The following GALM variants were observed in gnomAD, a reference collection of about 807,000 sequenced individuals.
The protein encoded by GALM is galactose mutarotase, also known as aldose 1-epimerase.
GALM carries 43 observed loss-of-function variants against 37.4 expected under a neutral mutation model. The observed-to-expected ratio is 1.15, with a 90% CI of 0.90 to 1.48. The LOEUF (loss-of-function observed/expected upper bound fraction) is 1.48. Among genes scored for constraint, GALM ranks in the 40% most tolerant of loss-of-function variants. The probability of loss-of-function intolerance (pLI) is 0.00; values close to 1 mark genes in which losing one functional copy is unlikely to be tolerated. For missense variants in GALM, 456 were observed against 419.1 expected, an observed-to-expected ratio of 1.09 and a Z score of -0.77; for synonymous variants, 199 against 170.6, an observed-to-expected ratio of 1.17 and a Z score of -1.30.
At position 38,731,768 on chromosome 2, in the gene GALM, A is replaced by G. The variant is rs1666614640; in HGVS notation, c.810A>G (p.Glu270=). The change falls in exon 6 of 7, where the codon GAA becomes GAG. Residue 270 remains glutamate (E), a synonymous_variant. Coordinates refer to ENST00000272252, the MANE Select transcript of GALM (RefSeq NM_138801.3). Reference sequence around the variant, plus strand: ...ATGCTGCAAGCGGGCGGGTACTAGAAGTATACACCACCCAGCCCGGGGTCC... The same window carrying G: ...ATGCTGCAAGCGGGCGGGTACTAGAGGTATACACCACCCAGCCCGGGGTCC... ...VHHAASGRVL[E]VYTTQPGVQF... is the part of the protein sequence containing the mutation. 1.2e-6 allele frequency: 2 copies of G among 1,613,940 alleles called. No individual in the cohort carries two copies. Among genetic ancestry groups the G allele is most frequent in the African/African-American group, 2.7e-5 (2 of 74,908 alleles).
rs1355606749 is a variant in GALM, at chr2:38,676,064, AAAGT to A, written c.345+4_345+7del. 3.1e-6 allele frequency: 5 copies of A among 1,614,014 alleles called. No individual in the cohort carries two copies. Among genetic ancestry groups the A allele is most frequent in the South Asian group, 1.1e-5 (1 of 91,078 alleles). ...GCATGGAGGAGTCAGAGGGTTTGATAAAGTAAGTACGGCACATGTGACTGAGTTC... is the reference window on the plus strand; with the variant it reads ...GCATGGAGGAGTCAGAGGGTTTGATAAAGTACGGCACATGTGACTGAGTTC... On this transcript the variant is annotated splice_donor_variant and coding_sequence_variant, in exon 2 of 7. Coordinates refer to ENST00000272252, the MANE Select transcript of GALM (RefSeq NM_138801.3). LOFTEE classifies it high-confidence loss of function.
At chr2:38,714,655 C>A (rs1299542594) in intron 4 of GALM, among the ~76,000 whole-genome samples, 1 of 152,142 alleles carries the variant, frequency 6.6e-6, no homozygotes, top group Non-Finnish European at 1.5e-5. Context: ...CTGTGTTAAA[C>A]AAACAAAAAG....
rs1181876277 is a variant in GALM, at chr2:38,703,054, TTATATATATATATATA to T, written c.634+13184_634+13199del. On this transcript the variant is annotated intron_variant, in intron 4 of 6. Coordinates refer to ENST00000272252, the MANE Select transcript of GALM (RefSeq NM_138801.3). ...CTGAGGTGGGATGATATGTGGGATT[TTATATATATATATATA>T]TATATATATATATATATATATATTT... Among the ~76,000 whole-genome samples the T allele has an allele frequency of 2.7e-3, 38 of 13,956 alleles. 1 individual carries two copies. The highest frequency in any genetic ancestry group is 0.017 in the South Asian group (3 of 180). The allele number at this position is 13,956 out of a possible 152,430, so 9.2% of individuals were successfully genotyped here. A position where few individuals can be genotyped will look rare whatever the true frequency, so the allele number is the denominator to read the frequency against.
At chr2:38,732,610 C>G (rs1666629580) in intron 6 of GALM, among the ~76,000 whole-genome samples, 1 of 152,178 alleles carries the variant, frequency 6.6e-6, no homozygotes, top group South Asian at 2.1e-4. Context: ...CCTGAAAGTG[C>G]CAGCCCACAA....
chr2:38,700,585 C>A (rs562955977), intron 4 of GALM, among the ~76,000 whole-genome samples: 1 of 152,122 alleles, frequency 6.6e-6, no homozygotes, highest in South Asian at 2.1e-4. Flanking sequence ...CATGGAATAT[C>A]TTTTTCCACC....
intron 4 of GALM, among the ~76,000 whole-genome samples, chr2:38,719,715 C>T (rs1174637317): frequency 7.0e-6 from 1 of 143,292 alleles, no homozygotes; most frequent in African/African-American, 2.6e-5. Flanking sequence ...TGGAGGTTGC[C>T]GTGAGCCGAG....
In GALM at chr2:38,733,678, A is replaced by T. The variant is rs1666651684; in HGVS notation, c.*113A>T. On this transcript the variant is annotated 3_prime_UTR_variant, in exon 7 of 7. Coordinates refer to ENST00000272252, the MANE Select transcript of GALM (RefSeq NM_138801.3). The stretch of plus-strand genomic sequence containing the variant: ...GAATGATTCTATGGATTAAAATCAT[A>T]CAAATGGTGGCTGTTCTGAGAATCA... 1.2e-6 allele frequency: 1 copy of T among 820,966 alleles called. No homozygotes were observed. Among genetic ancestry groups the T allele is most frequent in the Non-Finnish European group, 2.1e-6 (1 of 472,706 alleles). The allele number at this position is 820,966 out of a possible 1,614,324, so 50.9% of individuals were successfully genotyped here.
intron 4 of GALM, among the ~76,000 whole-genome samples, chr2:38,693,130 G>A (rs190320509): frequency 1.1e-4 from 16 of 152,314 alleles, no homozygotes; most frequent in East Asian, 9.6e-4. Flanking sequence ...AAACTTCAGC[G>A]TGTTCTGCCA....
At position 38,731,883 on chromosome 2, in the gene GALM, C is replaced by T; in HGVS notation, c.925C>T (p.Gln309Ter). ...PKHSGFCLET[Q>*]NWPDAVNQPR... is the part of the protein sequence containing the mutation. ...GCACTCCGGTTTCTGCCTGGAGACT[C>T]AGAACTGGCCTGATGCAGTCAATCA... Residue 309 changes from glutamine to a stop codon, truncating the protein, a stop_gained, in exon 6 of 7, where the codon CAG becomes TAG. Coordinates refer to ENST00000272252, the MANE Select transcript of GALM (RefSeq NM_138801.3). LOFTEE classifies it high-confidence loss of function. 3 of 1,614,174 alleles carry T rather than the reference C, an allele frequency of 1.9e-6. No individual in the cohort carries two copies. The African/African-American group carries it at 4.0e-5, about 22-fold the overall frequency.
At chr2:38,687,732 C>T (rs948420922) in intron 3 of GALM, among the ~76,000 whole-genome samples, 5 of 151,422 alleles carry the variant, frequency 3.3e-5, no homozygotes, top group African/African-American at 7.3e-5. Context: ...AAAAGAGAAT[C>T]GTAGTTTTTC....
At chr2:38,731,340 T>C (rs1281070150) in intron 5 of GALM, among the ~76,000 whole-genome samples, 1 of 144,796 alleles carries the variant, frequency 6.9e-6, no homozygotes, top group Non-Finnish European at 1.5e-5. Flanking sequence ...GAGGTTGCAG[T>C]GAGCCGAGGT....
chr2:38,716,331 T>C (rs188828553), intron 4 of GALM, among the ~76,000 whole-genome samples: 2 of 152,374 alleles, frequency 1.3e-5, no homozygotes, highest in Admixed American at 1.3e-4. Flanking sequence ...CCTGGTGTAC[T>C]ACACAAAGTT....
chr2:38,675,887 G>C, intron 1 of GALM, 25 bp from the exon 2 acceptor site: 2 of 1,613,114 alleles, frequency 1.2e-6, no homozygotes, highest in Non-Finnish European at 1.7e-6. Flanking sequence ...AGTTTTAAAA[G>C]TGCTGTCATC....
At chr2:38,710,149 C>A (rs950587940) in intron 4 of GALM, among the ~76,000 whole-genome samples, 9 of 152,216 alleles carry the variant, frequency 5.9e-5, no homozygotes, top group Middle Eastern at 3.2e-3. Flanking sequence ...ACACAGATCA[C>A]CTGTGCAACT....
Position 38,694,026 on chromosome 2 carries a change from T to C in GALM, c.634+4132T>C, listed in dbSNP as rs6747675. Among the ~76,000 whole-genome samples, 1,020 of 152,118 alleles carry C rather than the reference T, an allele frequency of 6.7e-3. 5 individuals carry two copies. The highest frequency in any genetic ancestry group is 9.1e-3 in the Non-Finnish European group (619 of 67,976). On this transcript the variant is annotated intron_variant, in intron 4 of 6. Coordinates refer to ENST00000272252, the MANE Select transcript of GALM (RefSeq NM_138801.3). ...GAGACCCTGTTAATACAAAACATTT[T>C]TTTGAATTAGCCAGGAGTGTTGGTG...
intron 4 of GALM, among the ~76,000 whole-genome samples, chr2:38,716,269 T>C (rs1351828768): frequency 4.6e-5 from 7 of 152,366 alleles, no homozygotes; most frequent in Non-Finnish European, 1.0e-4. Flanking sequence ...TGTCAGATTG[T>C]TGTGTACGTG....
chr2:38,688,506 G>A (rs1048926743), intron 3 of GALM, among the ~76,000 whole-genome samples: 7 of 149,918 alleles, frequency 4.7e-5, no homozygotes, highest in South Asian at 2.1e-4. Flanking sequence ...AGCGAAACTC[G>A]GTCTCAGAAA....
At chr2:38,729,501 T>TA (rs1373146767) in intron 4 of GALM, 55 bp from the exon 5 acceptor site, 35 of 1,556,262 alleles carry the variant, frequency 2.2e-5, no homozygotes, top group Non-Finnish European at 3.1e-5. Flanking sequence ...GGAGGCTCTA[T>TA]ATAAAGATGA....
intron 3 of GALM, among the ~76,000 whole-genome samples, chr2:38,685,859 A>G (rs1459833892): frequency 3.9e-5 from 6 of 151,964 alleles, no homozygotes; most frequent in Middle Eastern, 6.3e-3. Context: ...CTGGGATTAC[A>G]GGCACGTGCC....
Sources: allele counts gnomAD v4.1 joint callset (sites outside exome capture counted in the v4.1 genomes callset), GRCh38; gene constraint gnomAD v4.1.1; transcripts MANE v1.5; gene names NCBI Gene and HGNC (gene_info 2026-07-23, HGNC 2026-07-21).